RNF13: variants seen among roughly 807,000 people sequenced by gnomAD.
RNF13 encodes the protein E3 ubiquitin-protein ligase RNF13.
Under a neutral mutation model 37.7 loss-of-function variants are expected in RNF13, and 19 were observed. That is an observed-to-expected ratio of 0.50 (90% CI 0.35 to 0.74). The LOEUF (loss-of-function observed/expected upper bound fraction) is 0.74, where lower values mean the gene tolerates loss of function less well. RNF13 is among the 30% of genes least tolerant of loss of function. The probability of loss-of-function intolerance (pLI) is 0.01; values close to 1 mark genes in which losing one functional copy is unlikely to be tolerated. For missense variants in RNF13, 375 were observed against 453.0 expected (o/e 0.83, Z 1.56); for synonymous variants, 144 against 157.8 (o/e 0.91, Z 0.65).
At chr3:149,941,864 A>C (rs1720313707) in intron 8 of RNF13, among the ~76,000 whole-genome samples, 1 of 144,562 alleles carries the variant, frequency 6.9e-6, no homozygotes, top group Non-Finnish European at 1.5e-5. Flanking sequence ...AATTTTATGT[A>C]AGGTGTAAGT....
intron 8 of RNF13, among the ~76,000 whole-genome samples, chr3:149,932,330 G>A (rs548039288): frequency 4.6e-5 from 7 of 151,914 alleles, no homozygotes; most frequent in South Asian, 2.1e-4. Flanking sequence ...CCTTTCTCCC[G>A]CCACATCACA....
At position 149,953,859 on chromosome 3, in the gene RNF13, C is replaced by T. The variant is rs191445922; in HGVS notation, c.701-6197C>T. 2.6e-4 allele frequency among the ~76,000 whole-genome samples: 39 copies of T among 152,200 alleles called. No individual in the cohort carries two copies. The East Asian group carries it at 5.2e-3, about 20-fold the overall frequency. ...TAAATCAGTTTATGAAAAATGCTTACGATAGTGCTTGGCACATAGAACTCA... is the reference window on the plus strand; with the variant it reads ...TAAATCAGTTTATGAAAAATGCTTATGATAGTGCTTGGCACATAGAACTCA... On this transcript the variant is annotated intron_variant, in intron 8 of 9. Coordinates refer to ENST00000392894, the MANE Select transcript of RNF13 (RefSeq NM_183381.3).
intron 7 of RNF13, among the ~76,000 whole-genome samples, chr3:149,916,555 ACTTT>A (rs1187428046): frequency 2.0e-5 from 3 of 152,258 alleles, no homozygotes; most frequent in East Asian, 3.9e-4. Context: ...TAAATTCTTT[ACTTT>A]CTTTATTTTT....
Position 149,961,613 on chromosome 3 carries a change from G to A in RNF13, c.*509G>A. ...TATCAGCACAAAGAAACTCAAAGCT[G>A]TTTTTTCCCTTTCTGTTCCAAAGCA... On this transcript the variant is annotated 3_prime_UTR_variant, in exon 10 of 10. Coordinates refer to ENST00000392894, the MANE Select transcript of RNF13 (RefSeq NM_183381.3). 3.6e-6 allele frequency: 1 copy of A among 276,090 alleles called. No individual in the cohort carries two copies. Among genetic ancestry groups the A allele is most frequent in the Non-Finnish European group, 7.1e-6 (1 of 140,610 alleles). 17.1% of individuals were successfully genotyped at this position (276,090 alleles called of 1,614,324 possible).
intron 8 of RNF13, chr3:149,939,055 C>A: frequency 2.0e-6 from 1 of 494,168 alleles, no homozygotes; most frequent in South Asian, 1.6e-5. Context: ...CGGAAGCACT[C>A]CTCACATAAT....
At chr3:149,917,277 G>A (rs1436930522) in intron 7 of RNF13, 1 of 152,234 alleles carries the variant, frequency 6.6e-6, no homozygotes, top group Non-Finnish European at 1.5e-5. Flanking sequence ...TTCTGCGGCA[G>A]AGTGAAGGGA....
At chr3:149,949,214 T>C (rs985840468) in intron 8 of RNF13, among the ~76,000 whole-genome samples, 1 of 152,190 alleles carries the variant, frequency 6.6e-6, no homozygotes, top group African/African-American at 2.4e-5. Context: ...GAATTTCCTA[T>C]AGAATAAGTC....
intron 6 of RNF13, among the ~76,000 whole-genome samples, chr3:149,902,859 T>C (rs990592374): frequency 9.9e-5 from 15 of 152,080 alleles, no homozygotes; most frequent in African/African-American, 3.6e-4. Context: ...GCAGCTAATA[T>C]TTATTGAGCA....
Position 149,961,302 on chromosome 3 carries a change from G to T in RNF13, c.*198G>T, listed in dbSNP as rs1178948191. The T allele has an allele frequency of 1.5e-6, 1 of 680,892 alleles. No individual in the cohort carries two copies. Among genetic ancestry groups the T allele is most frequent in the East Asian group, 2.8e-5 (1 of 36,144 alleles). The allele number at this position is 680,892 out of a possible 1,614,324, so 42.2% of individuals were successfully genotyped here. A position where few individuals can be genotyped will look rare whatever the true frequency, so the allele number is the denominator to read the frequency against. On this transcript the variant is annotated 3_prime_UTR_variant, in exon 10 of 10. Coordinates refer to ENST00000392894, the MANE Select transcript of RNF13 (RefSeq NM_183381.3). Reference sequence around the variant, plus strand: ...TACTTCATTCACTAATAATAGACTGGTGCTGTAACTCAAGCATCAATTCAG... The same window carrying T: ...TACTTCATTCACTAATAATAGACTGTTGCTGTAACTCAAGCATCAATTCAG...
chr3:149,878,504 G>A (rs1185030579), intron 4 of RNF13, among the ~76,000 whole-genome samples: 3 of 152,126 alleles, frequency 2.0e-5, no homozygotes, highest in Non-Finnish European at 4.4e-5. Flanking sequence ...AGGATTGCTT[G>A]CTATAATTCT....
chr3:149,909,889 C>G (rs978805067), intron 6 of RNF13, among the ~76,000 whole-genome samples: 10 of 150,002 alleles, frequency 6.7e-5, no homozygotes, highest in African/African-American at 2.5e-4. Flanking sequence ...TCTCATAGGA[C>G]AGGATTTATT....
chr3:149,947,767 T>A (rs1341421265), intron 8 of RNF13, among the ~76,000 whole-genome samples: 2 of 152,174 alleles, frequency 1.3e-5, no homozygotes, highest in African/African-American at 4.8e-5. Flanking sequence ...GTGTATATAT[T>A]TATTGTTATA....
At chr3:149,895,122 A>G (rs73870469) in intron 4 of RNF13, 4,727 of 161,260 alleles carry the variant, frequency 0.029, 83 homozygotes, top group South Asian at 0.036. Context: ...TGTGTTAGGC[A>G]TGGTATTAAG....
intron 4 of RNF13, 140 bp from the exon 5 acceptor site, chr3:149,895,333 T>G: frequency 3.6e-6 from 2 of 553,592 alleles, no homozygotes; most frequent in Non-Finnish European, 6.3e-6. Context: ...GCAAAACAGA[T>G]TAATGCTTTG....
intron 1 of RNF13, among the ~76,000 whole-genome samples, chr3:149,843,951 A>G (rs1206991044): frequency 6.6e-6 from 1 of 152,194 alleles, no homozygotes; most frequent in Non-Finnish European, 1.5e-5. Flanking sequence ...TGTTTTGGTT[A>G]TTATTCCAAT....
intron 3 of RNF13, among the ~76,000 whole-genome samples, chr3:149,866,659 C>T (rs1711497404): frequency 6.6e-6 from 1 of 152,180 alleles, no homozygotes; most frequent in South Asian, 2.1e-4. Flanking sequence ...GTTCAGACAC[C>T]TCTGACATGT....
chr3:149,935,535 T>C (rs1192798314), intron 8 of RNF13, among the ~76,000 whole-genome samples: 1 of 152,202 alleles, frequency 6.6e-6, no homozygotes, highest in Non-Finnish European at 1.5e-5. Context: ...CTGTTTATTT[T>C]TAGTGTTACC....
intron 8 of RNF13, among the ~76,000 whole-genome samples, chr3:149,930,051 A>G (rs1017194113): frequency 6.6e-6 from 1 of 152,178 alleles, no homozygotes; most frequent in Middle Eastern, 3.4e-3. Context: ...TCAGCCTCCC[A>G]TGTAGCTGGG....
intron 1 of RNF13, among the ~76,000 whole-genome samples, chr3:149,827,505 T>A (rs1426883514): frequency 6.6e-6 from 1 of 152,134 alleles, no homozygotes; most frequent in Non-Finnish European, 1.5e-5. Flanking sequence ...TATGTAGGCA[T>A]TCAGTCTATA....
Sources: gnomAD v4.1 joint callset for allele counts (sites outside exome capture counted in the v4.1 genomes callset) on GRCh38, gnomAD v4.1.1 for gene constraint, MANE v1.5 for transcripts, NCBI Gene and HGNC (gene_info 2026-07-23, HGNC 2026-07-21) for gene names.